The following PHTF2 variants were observed in gnomAD, a reference collection of about 807,000 sequenced individuals.
PHTF2 encodes protein PHTF2.
Under a neutral mutation model 101.2 loss-of-function variants are expected in PHTF2, and 60 were observed. The observed-to-expected ratio is 0.59, with a 90% CI of 0.48 to 0.73. The LOEUF is 0.73. PHTF2 is among the 30% of genes least tolerant of loss of function. The pLI is 0.00. For missense variants in PHTF2, 747 were observed against 908.7 expected, an observed-to-expected ratio of 0.82 and a Z score of 2.29; for synonymous variants, 311 against 307.3, an observed-to-expected ratio of 1.01 and a Z score of -0.13.
chr7:77,919,959 C>T (rs1440111387), intron 9 of PHTF2, among the ~76,000 whole-genome samples: 2 of 151,954 alleles, frequency 1.3e-5, no homozygotes, highest in Non-Finnish European at 2.9e-5. Context: ...TATTTTTAAC[C>T]ATAATAAAAT....
At chr7:77,882,173 G>C (rs1429173919) in intron 3 of PHTF2, among the ~76,000 whole-genome samples, 1 of 151,976 alleles carries the variant, frequency 6.6e-6, no homozygotes, top group Non-Finnish European at 1.5e-5. Flanking sequence ...ATTAGCTTTA[G>C]CTTTTATTAC....
At chr7:77,818,081 G>T (rs1793995994) in intron 1 of PHTF2, among the ~76,000 whole-genome samples, 1 of 149,112 alleles carries the variant, frequency 6.7e-6, no homozygotes, top group African/African-American at 2.5e-5. Context: ...CTGTACTCTA[G>T]TCTGGGCAAT....
chr7:77,833,950 C>T (rs956066075), intron 1 of PHTF2, among the ~76,000 whole-genome samples: 3 of 152,012 alleles, frequency 2.0e-5, no homozygotes, highest in African/African-American at 7.2e-5. Flanking sequence ...TTCAGAGAAA[C>T]TTCTGTACAT....
intron 1 of PHTF2, among the ~76,000 whole-genome samples, chr7:77,809,261 T>C (rs1793239005): frequency 1.4e-5 from 2 of 142,570 alleles, no homozygotes; most frequent in African/African-American, 2.8e-5. Context: ...GAGTCTCTCT[T>C]TGTCACCCAG....
intron 1 of PHTF2, among the ~76,000 whole-genome samples, chr7:77,808,964 TG>T (rs1478163669): frequency 2.6e-5 from 4 of 152,204 alleles, no homozygotes; most frequent in African/African-American, 7.2e-5. Context: ...TGTCTAGAAG[TG>T]GGAACTCTTG....
intron 3 of PHTF2, among the ~76,000 whole-genome samples, chr7:77,891,256 G>A (rs978436847): frequency 5.9e-5 from 9 of 152,050 alleles, no homozygotes; most frequent in Non-Finnish European, 1.3e-4. Context: ...ATTTTTATTT[G>A]CATTTAAGCC....
At chr7:77,907,149 A>G (rs1397800105) in intron 7 of PHTF2, among the ~76,000 whole-genome samples, 1 of 152,144 alleles carries the variant, frequency 6.6e-6, no homozygotes, top group Non-Finnish European at 1.5e-5. Context: ...ATTAGAATTC[A>G]TATTAAAAAC....
chr7:77,848,754 G>C (rs1197233522), intron 2 of PHTF2, among the ~76,000 whole-genome samples: 3 of 152,108 alleles, frequency 2.0e-5, no homozygotes, highest in Non-Finnish European at 4.4e-5. Context: ...CTGTGCTTTG[G>C]TAGTATTACT....
At chr7:77,931,184 A>G (rs1804531342) in intron 12 of PHTF2, among the ~76,000 whole-genome samples, 1 of 152,250 alleles carries the variant, frequency 6.6e-6, no homozygotes, top group Admixed American at 6.5e-5. Context: ...AAAATACAGG[A>G]GAAAAATCTT....
At chr7:77,837,023 T>G (rs1004519512) in intron 1 of PHTF2, among the ~76,000 whole-genome samples, 6 of 151,744 alleles carry the variant, frequency 4.0e-5, no homozygotes, top group Middle Eastern at 3.2e-3. Context: ...GTGTGACAAT[T>G]AAATCTATGT....
intron 5 of PHTF2, among the ~76,000 whole-genome samples, chr7:77,894,487 G>GT (rs1474333219): frequency 6.6e-6 from 1 of 152,110 alleles, no homozygotes; most frequent in Non-Finnish European, 1.5e-5. Context: ...ATTTGTTAAT[G>GT]TTTAGACTAC....
rs149065556 is a variant in PHTF2 at position 77,859,991 on chromosome 7, G to A, written c.147+5157G>A. On this transcript the variant is annotated intron_variant, in intron 3 of 19. Transcript: ENST00000416283. ...GGTTGTTTAACCTAACAGTTATGAGGTTTCCTTTCTTACTTATTATAAATA... is the reference window on the plus strand; with the variant it reads ...GGTTGTTTAACCTAACAGTTATGAGATTTCCTTTCTTACTTATTATAAATA... 7.9e-4 allele frequency among the ~76,000 whole-genome samples: 120 copies of A among 152,178 alleles called. 1 individual carries two copies. The highest frequency in any genetic ancestry group is 2.4e-3 in the African/African-American group (99 of 41,516).
At chr7:77,845,677 T>G (rs1385816786) in intron 2 of PHTF2, among the ~76,000 whole-genome samples, 1 of 152,188 alleles carries the variant, frequency 6.6e-6, no homozygotes, top group Non-Finnish European at 1.5e-5. Context: ...GTGTGTGTAC[T>G]TAAGTATGTG....
At chr7:77,926,467 A>G (rs1804010947) in intron 11 of PHTF2, among the ~76,000 whole-genome samples, 1 of 152,018 alleles carries the variant, frequency 6.6e-6, no homozygotes, top group African/African-American at 2.4e-5. Context: ...CCTCCCACAA[A>G]CACTCTATTA....
intron 13 of PHTF2, 153 bp downstream of exon 12, chr7:77,937,991 TTAAACAG>T: frequency 3.2e-6 from 1 of 314,462 alleles, no homozygotes; most frequent in East Asian, 5.5e-5. Context: ...TGTCTGTAAT[TTAAACAG>T]TGATTTGTCA....
rs141241596 is a variant in PHTF2, at chr7:77,941,924, A to G, written c.1873-776A>G. On this transcript the variant is annotated intron_variant, in intron 15 of 19. Transcript: ENST00000416283. Reference sequence around the variant, plus strand: ...AAAGCACAAAATCTTAACAAGGTTTATAATGCCCTTTATGATCTAAGTTCT... The same window carrying G: ...AAAGCACAAAATCTTAACAAGGTTTGTAATGCCCTTTATGATCTAAGTTCT... Among the ~76,000 whole-genome samples the G allele has an allele frequency of 6.7e-3, 1,021 of 152,330 alleles. 15 individuals are homozygous for G. The highest frequency in any genetic ancestry group is 0.023 in the African/African-American group (954 of 41,574).
exon 8 of PHTF2, chr7:77,908,946 G>T (rs779783072): frequency 5.0e-6 from 8 of 1,594,384 alleles, no homozygotes; most frequent in Middle Eastern, 1.7e-4. Context: ...AGTACAGGGG[G>T]TAAAAGAAGA....
At chr7:77,894,337 T>C (rs949562824) in intron 5 of PHTF2, among the ~76,000 whole-genome samples, 1 of 152,198 alleles carries the variant, frequency 6.6e-6, no homozygotes, top group African/African-American at 2.4e-5. Flanking sequence ...TAGATACTAA[T>C]CAGTGTGTTT....
In PHTF2 at chr7:77,900,806, T is replaced by C. The variant is rs748019550; in HGVS notation, c.286+26T>C. 1.4e-5 allele frequency: 16 copies of C among 1,124,090 alleles called. No homozygotes were observed. The Admixed American group carries it at 2.5e-4, about 18-fold the overall frequency. The allele number at this position is 1,124,090 out of a possible 1,614,324, so 69.6% of individuals were successfully genotyped here. A position where few individuals can be genotyped will look rare whatever the true frequency, so the allele number is the denominator to read the frequency against. On this transcript the variant is annotated intron_variant, in intron 6 of 19. Coordinates refer to ENST00000416283, the Ensembl canonical transcript of PHTF2. ...GTGAGTCTGATAAATAAATGCTTAA[T>C]ACAAGTAGACATTGTTCTGGAAGAA...
Sources: allele counts gnomAD v4.1 joint callset (sites outside exome capture counted in the v4.1 genomes callset), GRCh38; gene constraint gnomAD v4.1.1; transcripts MANE v1.5; gene names NCBI Gene and HGNC (gene_info 2026-07-23, HGNC 2026-07-21).